Variants in IGFBP6 observed in about 807,000 individuals in gnomAD.
IGFBP6 encodes insulin like growth factor binding protein 6.
IGFBP6 carries 24 observed loss-of-function variants against 24.5 expected under a neutral mutation model. The ratio of observed to expected loss-of-function variants is 0.98; its 90% CI spans 0.71 to 1.38. The LOEUF is 1.38. IGFBP6 is among the 40% of genes most tolerant of loss of function. The pLI, the probability that IGFBP6 is intolerant of heterozygous loss-of-function variation, is 0.00. For synonymous variants in IGFBP6, 147 were observed against 137.4 expected, an observed-to-expected ratio of 1.07 and a Z score of -0.49; for missense variants, 331 against 324.8, an observed-to-expected ratio of 1.02 and a Z score of -0.15.
Position 53,097,903 on chromosome 12 carries a change from C to CT in IGFBP6, c.187dup (p.Cys63LeufsTer15). 1 of 1,517,472 alleles carries CT rather than the reference C, an allele frequency of 6.6e-7. No homozygotes were observed. The highest frequency in any genetic ancestry group is 2.5e-5 in the East Asian group (1 of 40,366). The allele number at this position is 1,517,472 out of a possible 1,614,324, so 94.0% of individuals were successfully genotyped here. A position where few individuals can be genotyped will look rare whatever the true frequency, so the allele number is the denominator to read the frequency against. ...CCGAGGGCTGCGCGGAAGCTGAGGGCTGTCTCAGGAGGGAGGGGCAGGAGT... is the reference window on the plus strand; with the variant it reads ...CCGAGGGCTGCGCGGAAGCTGAGGGCTTGTCTCAGGAGGGAGGGGCAGGAGT... On this transcript the variant is annotated frameshift_variant, in exon 1 of 4. Coordinates refer to ENST00000301464, the MANE Select transcript of IGFBP6 (RefSeq NM_002178.3). LOFTEE classifies it high-confidence loss of function.
intron 2 of IGFBP6, 60 bp downstream of exon 2, chr12:53,100,917 G>A (rs35510008): frequency 6.2e-7 from 1 of 1,610,356 alleles, no homozygotes; most frequent in Non-Finnish European, 8.5e-7. Flanking sequence ...TTCCATCTGA[G>A]ACTGCTCCCT....
In IGFBP6 at chr12:53,100,744, C is replaced by A; in HGVS notation, c.367C>A (p.Gln123Lys). Residue 123 changes from glutamine (Q) to lysine (K), a missense_variant, in exon 2 of 4, where the codon CAA (glutamine) becomes AAA (lysine). Physicochemically the swap from Gln to Lys is moderately conservative, Grantham distance 53. Coordinates refer to ENST00000301464, the MANE Select transcript of IGFBP6 (RefSeq NM_002178.3). Reference protein sequence around the residue: ...AEENPKESKPQAGTARPQDVN... With the variant: ...AEENPKESKPKAGTARPQDVN... ...GGAGAATCCTAAGGAGAGTAAACCC[C>A]AAGCAGGCACTGCCCGCCCACAGGA... The A allele has an allele frequency of 6.2e-7, 1 of 1,614,158 alleles. No individual in the cohort carries two copies. Among genetic ancestry groups the A allele is most frequent in the Non-Finnish European group, 8.5e-7 (1 of 1,180,038 alleles).
rs1165977796 is a variant in IGFBP6 at position 53,100,751 on chromosome 12, G to A, written c.374G>A (p.Gly125Asp). The A allele has an allele frequency of 6.2e-7, 1 of 1,614,020 alleles. No homozygotes were observed. Among genetic ancestry groups the A allele is most frequent in the African/African-American group, 1.3e-5 (1 of 74,920 alleles). ...ENPKESKPQA[G>D]TARPQDVNRR... ...CCTAAGGAGAGTAAACCCCAAGCAGGCACTGCCCGCCCACAGGATGTGAAC... is the reference window on the plus strand; with the variant it reads ...CCTAAGGAGAGTAAACCCCAAGCAGACACTGCCCGCCCACAGGATGTGAAC... The change falls in exon 2 of 4, where the codon GGC (glycine) becomes GAC (aspartate). Residue 125 changes from glycine to aspartate, a missense_variant. Physicochemically the swap from Gly to Asp is moderately conservative, Grantham distance 94. Coordinates refer to ENST00000301464, the MANE Select transcript of IGFBP6 (RefSeq NM_002178.3).
intron 1 of IGFBP6, 135 bp from the exon 2 acceptor site, chr12:53,100,577 A>G (rs527442665): frequency 2.3e-4 from 172 of 749,986 alleles, no homozygotes; most frequent in Admixed American, 3.2e-4. Context: ...TCAGAGAAAG[A>G]AACTAGGGCC....
intron 1 of IGFBP6, 106 bp from the exon 2 acceptor site, chr12:53,100,606 G>A: frequency 9.7e-7 from 1 of 1,032,006 alleles, no homozygotes. Context: ...GCAACAGCGG[G>A]GCATAAGGCC....
At chr12:53,099,469 G>GC (rs953267359) in intron 1 of IGFBP6, 1 of 347,612 alleles carries the variant, frequency 2.9e-6, no homozygotes, top group Non-Finnish European at 6.1e-6. Context: ...CCACTGCAGT[G>GC]CCCCAGAAGT....
intron 1 of IGFBP6, among the ~76,000 whole-genome samples, chr12:53,100,090 C>T (rs1289045860): frequency 6.6e-6 from 1 of 152,036 alleles, no homozygotes; most frequent in Admixed American, 6.5e-5. Flanking sequence ...GAACGCCTGA[C>T]CTCAAGTGAT....
chr12:53,101,214 T>C, intron 3 of IGFBP6, 54 bp downstream of exon 3: 1 of 1,594,168 alleles, frequency 6.3e-7, no homozygotes, highest in Non-Finnish European at 8.6e-7. Context: ...TGCCAGGGAG[T>C]GGGGGCGGTG....
chr12:53,099,239 C>A, intron 1 of IGFBP6: 1 of 446,466 alleles, frequency 2.2e-6, no homozygotes, highest in Non-Finnish European at 4.5e-6. Context: ...TTTTCCTGTC[C>A]CTGACTTATT....
In IGFBP6 at chr12:53,100,711, G is replaced by A. The variant is rs1387132832; in HGVS notation, c.335-1G>A. The A allele has an allele frequency of 6.2e-7, 1 of 1,613,950 alleles. No homozygotes were observed. The highest frequency in any genetic ancestry group is 1.7e-5 in the Admixed American group (1 of 60,020). On this transcript the variant is annotated splice_acceptor_variant, in intron 1 of 3. Transcript: ENST00000301464. LOFTEE classifies it high-confidence loss of function. ...CTCTCCTTCTCCTATTCCTCCTCCA[G>A]TTGCAGAGGAGAATCCTAAGGAGAG...
intron 2 of IGFBP6, 83 bp downstream of exon 2, chr12:53,100,940 C>T (rs888531699): frequency 2.1e-5 from 34 of 1,603,846 alleles, no homozygotes; most frequent in South Asian, 8.8e-5. Context: ...GGCTTGGAGA[C>T]GTCTCCATTG....
rs751299933 is a variant in IGFBP6, at chr12:53,102,025, C to T, written c.601-20C>T. ...GGAAGCCTCTGGCCTCACTCCTGAC[C>T]TGTGTGCCTCTCTCTCCAGTGCCGC... is the stretch of plus-strand genomic sequence containing the variant. On this transcript the variant is annotated intron_variant, in intron 3 of 3. Transcript: ENST00000301464. 3 of 1,611,378 alleles carry T rather than the reference C, an allele frequency of 1.9e-6. No homozygotes were observed. Among genetic ancestry groups the T allele is most frequent in the South Asian group, 2.2e-5 (2 of 90,930 alleles).
rs1937846046 is a variant in IGFBP6 at position 53,102,335 on chromosome 12, G to A, written c.*168G>A. The A allele has an allele frequency of 1.4e-6, 1 of 700,190 alleles. No homozygotes were observed. The highest frequency in any genetic ancestry group is 2.3e-6 in the Non-Finnish European group (1 of 435,268). The allele number at this position is 700,190 out of a possible 1,614,324, so 43.4% of individuals were successfully genotyped here. On this transcript the variant is annotated 3_prime_UTR_variant, in exon 4 of 4. Transcript: ENST00000301464. ...CTGGGGTGTCAATAAAGCTGTGCTT[G>A]GGGTCGCTGGCTTGTGTCTCTGTGT...
chr12:53,098,499 C>T lies in IGFBP6; in HGVS notation c.334+448C>T, dbSNP rs552887039. ...GAACCCCAGACTCTGAAATTCTGCA[C>T]ACACTGAGAAATGACTCCTTTCCTC... On this transcript the variant is annotated intron_variant, in intron 1 of 3. Coordinates refer to ENST00000301464, the MANE Select transcript of IGFBP6 (RefSeq NM_002178.3). Among the ~76,000 whole-genome samples, 16 of 152,270 alleles carry T rather than the reference C, an allele frequency of 1.1e-4. No individual in the cohort carries two copies. In the South Asian group the frequency reaches 1.7e-3, roughly 16 times the overall value.
chr12:53,099,281 C>T (rs1440748304), intron 1 of IGFBP6: 4 of 455,502 alleles, frequency 8.8e-6, no homozygotes, highest in Admixed American at 2.4e-5. Context: ...GAGCTCTCCC[C>T]GGACCCTCCG....
In IGFBP6 at chr12:53,098,044, G is replaced by A. The variant is rs764162058; in HGVS notation, c.327G>A (p.Ala109=). ...LGRGRCLPAR[A]PAVAEENPKE... Reference sequence around the variant, plus strand: ...GAGGCCGCTGCCTTCCGGCCCGCGCGCCTGCTGGTGAGTCCGCGCCCCGCC... The same window carrying A: ...GAGGCCGCTGCCTTCCGGCCCGCGCACCTGCTGGTGAGTCCGCGCCCCGCC... Residue 109 remains alanine, a synonymous_variant, in exon 1 of 4, where the codon GCG becomes GCA. Transcript: ENST00000301464. The A allele has an allele frequency of 1.4e-6, 2 of 1,452,026 alleles. No individual in the cohort carries two copies. Among genetic ancestry groups the A allele is most frequent in the South Asian group, 1.4e-5 (1 of 70,746 alleles). 89.9% of individuals were successfully genotyped at this position (1,452,026 alleles called of 1,614,324 possible).
At chr12:53,100,603 C>A in intron 1 of IGFBP6, 109 bp from the exon 2 acceptor site, 3 of 980,420 alleles carry the variant, frequency 3.1e-6, no homozygotes, top group Admixed American at 2.0e-5. Flanking sequence ...CATGCAACAG[C>A]GGGGCATAAG....
At position 53,100,865 on chromosome 12, in the gene IGFBP6, T is replaced by G; in HGVS notation, c.480+8T>G. On this transcript the variant is annotated splice_region_variant and intron_variant, in intron 2 of 3. Coordinates refer to ENST00000301464, the MANE Select transcript of IGFBP6 (RefSeq NM_002178.3). ...GTCCAAGACACTGAGATGGTGCGTT[T>G]GGAGCTGGTAGGGAGCAGGAGGGGT... 2 of 1,614,090 alleles carry G rather than the reference T, an allele frequency of 1.2e-6. No homozygotes were observed. Among genetic ancestry groups the G allele is most frequent in the Non-Finnish European group, 1.7e-6 (2 of 1,180,024 alleles).
chr12:53,098,107 G>C (rs1056987497), intron 1 of IGFBP6, 56 bp downstream of exon 1: 24 of 1,375,124 alleles, frequency 1.7e-5, no homozygotes, highest in African/African-American at 3.1e-5. Flanking sequence ...CCTCCAGGCA[G>C]GGTCCTGGGG....
Sources: allele counts gnomAD v4.1 joint callset (sites outside exome capture counted in the v4.1 genomes callset), GRCh38; gene constraint gnomAD v4.1.1; transcripts MANE v1.5; gene names NCBI Gene and HGNC (gene_info 2026-07-23, HGNC 2026-07-21).